CNTLN: variants seen among roughly 807,000 people sequenced by gnomAD.
CNTLN encodes centlein, centrosomal protein.
A neutral mutation model predicts 180.0 loss-of-function variants in CNTLN; 212 were observed. That is an observed-to-expected ratio of 1.18 (90% CI 1.05 to 1.32). The LOEUF (loss-of-function observed/expected upper bound fraction) is 1.32, where lower values mean the gene tolerates loss of function less well. CNTLN is among the 40% of genes most tolerant of loss of function. The pLI is 0.00. For missense variants in CNTLN, 2,095 were observed against 1,610.9 expected (o/e 1.30, Z -5.14); for synonymous variants, 722 against 563.1 (o/e 1.28, Z -3.99).
chr9:17,402,127 A>C (rs184979448), intron 15 of CNTLN, among the ~76,000 whole-genome samples: 1 of 151,960 alleles, frequency 6.6e-6, no homozygotes, highest in East Asian at 1.9e-4. Flanking sequence ...ACCTAAGGCT[A>C]TGCGATTTCT....
intron 18 of CNTLN, among the ~76,000 whole-genome samples, chr9:17,441,865 CAAAGGGT>C (rs1376711873): frequency 6.6e-6 from 1 of 151,918 alleles, no homozygotes; most frequent in African/African-American, 2.4e-5. Context: ...ATATTCCATA[CAAAGGGT>C]AAGCAAAGGA....
intron 25 of CNTLN, among the ~76,000 whole-genome samples, chr9:17,491,203 G>A (rs1396328715): frequency 1.3e-5 from 2 of 152,056 alleles, no homozygotes; most frequent in South Asian, 2.1e-4. Flanking sequence ...TGGAAATTAA[G>A]CTGAGCCTGT....
intron 2 of CNTLN, among the ~76,000 whole-genome samples, chr9:17,182,145 A>AT (rs1404600073): frequency 4.0e-5 from 6 of 151,316 alleles, no homozygotes; most frequent in Non-Finnish European, 8.8e-5. Flanking sequence ...CTTTGCTAGC[A>AT]TGAGTGGTGG....
chr9:17,263,666 A>C (rs1418902122), intron 5 of CNTLN, among the ~76,000 whole-genome samples: 4 of 144,752 alleles, frequency 2.8e-5, no homozygotes, highest in Non-Finnish European at 6.0e-5. Flanking sequence ...CCAACAGTGT[A>C]AAAGTGTTCC....
chr9:17,143,450 C>G, intron 2 of CNTLN, 74 bp downstream of exon 2: 2 of 1,028,062 alleles, frequency 1.9e-6, no homozygotes, highest in Non-Finnish European at 1.5e-6. Flanking sequence ...AAAGTTAGTA[C>G]TTATCATTAA....
chr9:17,349,805 A>G (rs1163871112), intron 12 of CNTLN, among the ~76,000 whole-genome samples: 2 of 152,206 alleles, frequency 1.3e-5, no homozygotes, highest in Non-Finnish European at 2.9e-5. Context: ...ATGAGCATTC[A>G]TGTGTTCATT....
At chr9:17,355,513 C>T (rs373028791) in intron 12 of CNTLN, among the ~76,000 whole-genome samples, 59 of 152,128 alleles carry the variant, frequency 3.9e-4, no homozygotes, top group African/African-American at 1.3e-3. Context: ...TAATGAAATC[C>T]CATAGTCAGA....
chr9:17,248,307 G>A (rs2132253784), intron 5 of CNTLN, among the ~76,000 whole-genome samples: 1 of 151,986 alleles, frequency 6.6e-6, no homozygotes, highest in South Asian at 2.1e-4. Flanking sequence ...GTTTTAGAGG[G>A]TTTGGTATTC....
chr9:17,461,660 C>G (rs923100394), intron 19 of CNTLN, among the ~76,000 whole-genome samples: 1 of 151,532 alleles, frequency 6.6e-6, no homozygotes, highest in African/African-American at 2.4e-5. Context: ...ACATCCAAAC[C>G]TAGGAATAGT....
intron 2 of CNTLN, among the ~76,000 whole-genome samples, chr9:17,192,192 A>G (rs1055167541): frequency 6.6e-6 from 1 of 151,560 alleles, no homozygotes; most frequent in African/African-American, 2.4e-5. Context: ...AGTGCTTTCC[A>G]TATATTGACT....
chr9:17,358,124 T>C (rs1353539411), intron 12 of CNTLN, among the ~76,000 whole-genome samples: 1 of 152,078 alleles, frequency 6.6e-6, no homozygotes, highest in Non-Finnish European at 1.5e-5. Context: ...TTAAAGAGAT[T>C]CTTATGATGT....
chr9:17,359,740 A>AAAAAC (rs1823186486), intron 12 of CNTLN, among the ~76,000 whole-genome samples: 1 of 123,230 alleles, frequency 8.1e-6, no homozygotes, highest in Non-Finnish European at 1.7e-5. Context: ...AAAAAAAAAA[A>AAAAAC]AAAAAAAAAA....
intron 13 of CNTLN, among the ~76,000 whole-genome samples, chr9:17,369,813 C>A (rs1319771469): frequency 1.3e-5 from 2 of 151,456 alleles, no homozygotes; most frequent in Non-Finnish European, 1.5e-5. Context: ...ATGGTGGAAC[C>A]CTGTCTCTAC....
intron 5 of CNTLN, among the ~76,000 whole-genome samples, chr9:17,255,403 G>C (rs760046922): frequency 6.6e-6 from 1 of 151,650 alleles, no homozygotes; most frequent in Non-Finnish European, 1.5e-5. Context: ...ATGAAAGGGT[G>C]TTCAATCTTG....
At chr9:17,365,764 T>C (rs1187611798) in intron 12 of CNTLN, among the ~76,000 whole-genome samples, 1 of 152,134 alleles carries the variant, frequency 6.6e-6, no homozygotes, top group Non-Finnish European at 1.5e-5. Flanking sequence ...GTTCAGCCTA[T>C]GCAACTTGGT....
At position 17,332,627 on chromosome 9, in the gene CNTLN, GGTCTTT is replaced by G. The variant is rs757785914; in HGVS notation, c.1545_1550del (p.Leu516_Ser517del). The G allele has an allele frequency of 6.8e-6, 11 of 1,607,290 alleles. No individual in the cohort carries two copies. The South Asian group carries it at 1.2e-4, about 18-fold the overall frequency. On this transcript the variant is annotated inframe_deletion, in exon 10 of 26. Coordinates refer to ENST00000380647, the MANE Select transcript of CNTLN (RefSeq NM_017738.4). The stretch of plus-strand genomic sequence containing the variant: ...GAGGAACCACCTGTGAAACGTTCAA[GGTCTTT>G]GTCCCCAAAGAGCTCTTTCACAGAC...
intron 7 of CNTLN, chr9:17,299,665 A>G (rs984540387): frequency 2.0e-6 from 2 of 983,256 alleles, no homozygotes; most frequent in Admixed American, 6.2e-5. Context: ...TTTTTGTTTT[A>G]TGGGGTGACA....
At chr9:17,145,658 T>C (rs1277327359) in intron 2 of CNTLN, among the ~76,000 whole-genome samples, 1 of 152,228 alleles carries the variant, frequency 6.6e-6, no homozygotes, top group African/African-American at 2.4e-5. Context: ...CATTTTTCCT[T>C]TTCCTCTTTG....
At chr9:17,511,956 A>G in the CNTLN span, among the ~76,000 whole-genome samples, 1 of 152,208 alleles carries the variant, frequency 6.6e-6, no homozygotes, top group African/African-American at 2.4e-5. Flanking sequence ...TGGTACCACC[A>G]TAGGATATAC....
Sources: gnomAD v4.1 joint callset for allele counts (sites outside exome capture counted in the v4.1 genomes callset) on GRCh38, gnomAD v4.1.1 for gene constraint, MANE v1.5 for transcripts, NCBI Gene and HGNC (gene_info 2026-07-23, HGNC 2026-07-21) for gene names.